The following PHACTR1 variants were observed in gnomAD, a reference collection of about 807,000 sequenced individuals.
The protein encoded by PHACTR1 is phosphatase and actin regulator 1, also known as RPEL repeat containing 1.
In PHACTR1, 16 loss-of-function variants were observed where a neutral mutation model predicts 69.2. The observed-to-expected ratio is 0.23, with a 90% CI of 0.16 to 0.35. The LOEUF (loss-of-function observed/expected upper bound fraction) is 0.35, where lower values mean the gene tolerates loss of function less well. PHACTR1 is among the 10% of genes least tolerant of loss of function. PHACTR1 has a pLI of 1.00. For missense variants in PHACTR1, 510 were observed against 734.7 expected, an observed-to-expected ratio of 0.69 and a Z score of 3.54; for synonymous variants, 312 against 284.5, an observed-to-expected ratio of 1.10 and a Z score of -0.97.
chr6:12,956,621 T>C (rs578075873), intron 4 of PHACTR1, among the ~76,000 whole-genome samples: 1 of 152,268 alleles, frequency 6.6e-6, no homozygotes, highest in African/African-American at 2.4e-5. Context: ...TTATGCTTAT[T>C]TGAGGTGGCT....
intron 4 of PHACTR1, among the ~76,000 whole-genome samples, chr6:12,758,395 G>A (rs1468450156): frequency 6.8e-6 from 1 of 147,068 alleles, no homozygotes; most frequent in Non-Finnish European, 1.5e-5. Flanking sequence ...GAGACCATGT[G>A]AGCAGAGACC....
At chr6:12,964,253 T>G (rs979663163) in intron 4 of PHACTR1, among the ~76,000 whole-genome samples, 4 of 152,144 alleles carry the variant, frequency 2.6e-5, no homozygotes, top group African/African-American at 9.7e-5. Flanking sequence ...TCATACCTAT[T>G]CAGGGAAATA....
intron 10 of PHACTR1, among the ~76,000 whole-genome samples, chr6:13,249,949 T>C (rs1774148560): frequency 6.6e-6 from 1 of 152,190 alleles, no homozygotes; most frequent in African/African-American, 2.4e-5. Context: ...TTTTCAGACA[T>C]TGGTGACACT....
At chr6:12,944,793 T>TATTTA (rs1451484803) in intron 4 of PHACTR1, among the ~76,000 whole-genome samples, 21 of 130,118 alleles carry the variant, frequency 1.6e-4, no homozygotes, top group Middle Eastern at 4.3e-3. Context: ...ATTTATTTTT[T>TATTTA]TTTTTTTGAG....
At chr6:13,259,353 T>C (rs541877409) in intron 10 of PHACTR1, among the ~76,000 whole-genome samples, 105 of 152,314 alleles carry the variant, frequency 6.9e-4, no homozygotes, top group African/African-American at 2.4e-3. Flanking sequence ...CACAGTCCCA[T>C]CATTACTCCA....
At chr6:12,999,751 C>T (rs1797866480) in intron 4 of PHACTR1, among the ~76,000 whole-genome samples, 2 of 152,152 alleles carry the variant, frequency 1.3e-5, no homozygotes, top group African/African-American at 4.8e-5. Flanking sequence ...AAAAGTTCAA[C>T]AGGACACACA....
chr6:13,135,005 T>C (rs1821324490), intron 5 of PHACTR1, among the ~76,000 whole-genome samples: 1 of 152,106 alleles, frequency 6.6e-6, no homozygotes, highest in African/African-American at 2.4e-5. Flanking sequence ...GAAAATGAAA[T>C]ATGAAGAAAA....
In PHACTR1 at chr6:13,121,473, CAT is replaced by C. The variant is rs1375845171; in HGVS notation, c.416-38729_416-38728del. ...ATATATACTAATTATATAATTATAA[CAT>C]AGAAGTCTATATAGTTAACTATTAA... On this transcript the variant is annotated intron_variant, in intron 5 of 14. Coordinates refer to ENST00000332995, the MANE Select transcript of PHACTR1 (RefSeq NM_030948.6). 2.0e-5 allele frequency among the ~76,000 whole-genome samples: 3 copies of C among 152,260 alleles called. No individual in the cohort carries two copies. In the East Asian group the frequency reaches 5.8e-4, roughly 29 times the overall value.
intron 3 of PHACTR1, among the ~76,000 whole-genome samples, chr6:12,721,231 C>T: frequency 6.6e-6 from 1 of 152,020 alleles, no homozygotes; most frequent in Middle Eastern, 3.2e-3. Flanking sequence ...ACTAAAAATA[C>T]AAAAATTAGC....
intron 5 of PHACTR1, among the ~76,000 whole-genome samples, chr6:13,117,732 A>G (rs190841434): frequency 7.9e-4 from 121 of 152,310 alleles, no homozygotes; most frequent in Non-Finnish European, 1.3e-3. Context: ...GCCTGCACAG[A>G]TCACATGACT....
At chr6:12,983,879 T>A (rs1257477562) in intron 4 of PHACTR1, among the ~76,000 whole-genome samples, 1 of 152,186 alleles carries the variant, frequency 6.6e-6, no homozygotes. Flanking sequence ...CATGAAATCA[T>A]CCTTTTTTAT....
intron 7 of PHACTR1, 137 bp from the exon 8 acceptor site, chr6:13,205,678 T>C: frequency 2.6e-6 from 2 of 758,644 alleles, no homozygotes; most frequent in Non-Finnish European, 4.2e-6. Flanking sequence ...CTCATCACGC[T>C]GGTGCCTCCA....
At chr6:12,893,239 T>C (rs894903335) in intron 4 of PHACTR1, among the ~76,000 whole-genome samples, 2 of 152,144 alleles carry the variant, frequency 1.3e-5, no homozygotes, top group African/African-American at 4.8e-5. Context: ...GACAGATGCG[T>C]ACAAAGCTGA....
chr6:12,733,864 T>C (rs1287539439), intron 3 of PHACTR1, among the ~76,000 whole-genome samples: 1 of 152,164 alleles, frequency 6.6e-6, no homozygotes, highest in Non-Finnish European at 1.5e-5. Flanking sequence ...GTGGAAGATA[T>C]AAAATCAAAA....
chr6:13,125,942 ATGT>A (rs1330781830), intron 5 of PHACTR1, among the ~76,000 whole-genome samples: 3 of 152,188 alleles, frequency 2.0e-5, no homozygotes, highest in Non-Finnish European at 4.4e-5. Context: ...AAAAAAAAAA[ATGT>A]TAAACATAGT....
intron 3 of PHACTR1, among the ~76,000 whole-genome samples, chr6:12,726,831 C>G (rs1046756551): frequency 2.6e-5 from 4 of 152,178 alleles, no homozygotes; most frequent in African/African-American, 9.7e-5. Flanking sequence ...TTCTAATGTC[C>G]TCCCACCTGC....
intron 4 of PHACTR1, among the ~76,000 whole-genome samples, chr6:12,958,930 A>G (rs1395671361): frequency 2.6e-5 from 4 of 152,168 alleles, no homozygotes; most frequent in African/African-American, 9.6e-5. Context: ...TAATCCCAGC[A>G]CTGTGGGAGA....
chr6:12,719,276 G>A (rs1761801405), intron 3 of PHACTR1, among the ~76,000 whole-genome samples: 1 of 152,306 alleles, frequency 6.6e-6, no homozygotes, highest in African/African-American at 2.4e-5. Context: ...CTTCTCTATA[G>A]CTGCCTTCTC....
intron 5 of PHACTR1, among the ~76,000 whole-genome samples, chr6:13,109,061 G>A (rs2127895229): frequency 6.6e-6 from 1 of 152,066 alleles, no homozygotes; most frequent in East Asian, 1.9e-4. Context: ...TACTGTATGT[G>A]TAATATCAGT....
Sources: allele counts gnomAD v4.1 joint callset (sites outside exome capture counted in the v4.1 genomes callset), GRCh38; gene constraint gnomAD v4.1.1; transcripts MANE v1.5; gene names NCBI Gene and HGNC (gene_info 2026-07-23, HGNC 2026-07-21).